Variants in CD83 observed in about 807,000 individuals in gnomAD.
CD83 encodes the protein CD83 antigen.
A neutral mutation model predicts 24.6 loss-of-function variants in CD83; 22 were observed. The observed-to-expected ratio is 0.90, with a 90% CI of 0.64 to 1.28. CD83 has a LOEUF of 1.28. CD83 is among the 50% of genes most tolerant of loss of function. The pLI is 0.00. For missense variants in CD83, 253 were observed against 252.8 expected (o/e 1.00, Z -0.01); for synonymous variants, 101 against 103.5 (o/e 0.98, Z 0.14).
At chr6:14,131,019 C>T (rs1263113800) in intron 2 of CD83, among the ~76,000 whole-genome samples, 2 of 152,160 alleles carry the variant, frequency 1.3e-5, no homozygotes, top group African/African-American at 2.4e-5. Flanking sequence ...TCGCAGGAGG[C>T]GTTGCTCATC....
At chr6:14,119,746 A>C (rs1424577318) in intron 2 of CD83, among the ~76,000 whole-genome samples, 1 of 152,270 alleles carries the variant, frequency 6.6e-6, no homozygotes, top group African/African-American at 2.4e-5. Flanking sequence ...GGGGAAAAAC[A>C]TGAAACCACT....
At chr6:14,133,777 C>T (rs778614974) in intron 4 of CD83, 22 bp downstream of exon 4, 2 of 1,463,230 alleles carry the variant, frequency 1.4e-6, no homozygotes, top group Non-Finnish European at 9.5e-7. Flanking sequence ...CTTAAAACAT[C>T]TTCTCTTATT....
At chr6:14,118,317 G>T (rs536039250) in intron 2 of CD83, among the ~76,000 whole-genome samples, 1 of 147,410 alleles carries the variant, frequency 6.8e-6, no homozygotes, top group South Asian at 2.2e-4. Context: ...GGCCTGAGAT[G>T]AATGATCCAC....
chr6:14,118,635 C>T (rs1359841356), intron 2 of CD83, among the ~76,000 whole-genome samples: 2 of 152,220 alleles, frequency 1.3e-5, no homozygotes, highest in Non-Finnish European at 2.9e-5. Flanking sequence ...TAGCCCTCCT[C>T]CTCCTTCCTC....
At position 14,135,299 on chromosome 6, in the gene CD83, C is replaced by T; in HGVS notation, c.*63C>T. On this transcript the variant is annotated 3_prime_UTR_variant, in exon 5 of 5. Coordinates refer to ENST00000379153, the MANE Select transcript of CD83 (RefSeq NM_004233.4). ...CTCAGGGGTGTGCCTGTCTGTTACA[C>T]TGGAGGAGAGAAGAATGAGCCTACG... is the stretch of plus-strand genomic sequence containing the variant. 6.4e-7 allele frequency: 1 copy of T among 1,554,080 alleles called. No individual in the cohort carries two copies. Among genetic ancestry groups the T allele is most frequent in the Non-Finnish European group, 8.8e-7 (1 of 1,139,288 alleles).
rs1397535560 is a variant in CD83, at chr6:14,129,784, C to T, written c.154-1736C>T. ...CACCAGGGCTGGAGCCTGAGCTTTC[C>T]GGTGACCTTGTGGTATATGCTCTGA... On this transcript the variant is annotated intron_variant, in intron 2 of 4. Coordinates refer to ENST00000379153, the MANE Select transcript of CD83 (RefSeq NM_004233.4). This position sits in a 1 kb window ranked among gnomAD's most constrained non-coding sequence, Gnocchi z 4.3. Among the ~76,000 whole-genome samples the T allele has an allele frequency of 6.6e-6, 1 of 151,706 alleles. No individual in the cohort carries two copies. Among genetic ancestry groups the T allele is most frequent in the Non-Finnish European group, 1.5e-5 (1 of 67,976 alleles).
At chr6:14,122,510 C>G (rs529865982) in intron 2 of CD83, among the ~76,000 whole-genome samples, 3 of 152,270 alleles carry the variant, frequency 2.0e-5, no homozygotes, top group African/African-American at 7.2e-5. Flanking sequence ...TGAACACTTA[C>G]TGTGCTTCCT....
chr6:14,135,041 T>C, intron 4 of CD83, 67 bp from the exon 5 acceptor site: 1 of 1,540,326 alleles, frequency 6.5e-7, no homozygotes. Flanking sequence ...GAATAGAGTT[T>C]AAAAGGAGGT....
At chr6:14,124,336 G>T (rs1759738291) in intron 2 of CD83, among the ~76,000 whole-genome samples, 1 of 152,224 alleles carries the variant, frequency 6.6e-6, no homozygotes, top group African/African-American at 2.4e-5. Flanking sequence ...ATTAGAATCG[G>T]TATTACCGAT....
intron 2 of CD83, among the ~76,000 whole-genome samples, chr6:14,130,905 T>C (rs1757879770): frequency 6.6e-6 from 1 of 152,152 alleles, no homozygotes; most frequent in Non-Finnish European, 1.5e-5. Flanking sequence ...AAAGCATGCT[T>C]CTCAGCTGTC....
At position 14,117,917 on chromosome 6, in the gene CD83, G is replaced by A. The variant is rs1171092987; in HGVS notation, c.38-33G>A. On this transcript the variant is annotated intron_variant, in intron 1 of 4. Transcript: ENST00000379153. This position sits in a 1 kb window ranked among gnomAD's most constrained non-coding sequence, Gnocchi z 4.6. The stretch of plus-strand genomic sequence containing the variant: ...TCCACGACACCCCCTCCCGTCGGTC[G>A]CTTGCTCACGACGCGCTCTCTCTTT... 1.3e-6 allele frequency: 2 copies of A among 1,590,536 alleles called. No homozygotes were observed. The highest frequency in any genetic ancestry group is 1.7e-6 in the Non-Finnish European group (2 of 1,171,740).
At chr6:14,126,418 G>A (rs1759815490) in intron 2 of CD83, among the ~76,000 whole-genome samples, 1 of 152,122 alleles carries the variant, frequency 6.6e-6, no homozygotes, top group South Asian at 2.1e-4. Flanking sequence ...AGATTCCAGT[G>A]GAGCTATCCA....
At chr6:14,117,449 G>A (rs529902839), upstream of CD83, 1 of 151,934 alleles carries the variant, frequency 6.6e-6, no homozygotes, top group African/African-American at 2.4e-5. This position sits in a 1 kb window ranked among gnomAD's most constrained non-coding sequence, Gnocchi z 4.6. Flanking sequence ...GCGCGCGAGC[G>A]CGGTCTGCAA....
chr6:14,135,029 G>T, intron 4 of CD83, 79 bp from the exon 5 acceptor site: 1 of 1,449,528 alleles, frequency 6.9e-7, no homozygotes, highest in Non-Finnish European at 9.6e-7. Context: ...CCAGCTCTTA[G>T]TGAATAGAGT....
chr6:14,133,884 T>C, intron 4 of CD83, 129 bp downstream of exon 4: 1 of 594,230 alleles, frequency 1.7e-6, no homozygotes. Flanking sequence ...CCTGGACTTT[T>C]TGAGGCCCCT....
intron 3 of CD83, among the ~76,000 whole-genome samples, chr6:14,132,656 G>T (rs9396472): frequency 0.44 from 67,105 of 152,008 alleles, 15,333 homozygotes; most frequent in Non-Finnish European, 0.52. Flanking sequence ...TAGTGCCCGG[G>T]ATAGACTGAA....
intron 2 of CD83, among the ~76,000 whole-genome samples, chr6:14,125,712 G>A (rs1448448169): frequency 6.6e-6 from 1 of 152,328 alleles, no homozygotes; most frequent in Non-Finnish European, 1.5e-5. Flanking sequence ...GAAGAGAGAT[G>A]ATTGGCATGA....
intron 2 of CD83, among the ~76,000 whole-genome samples, chr6:14,130,522 C>T (rs1296712505): frequency 6.6e-6 from 1 of 152,080 alleles, no homozygotes; most frequent in Non-Finnish European, 1.5e-5. Context: ...TCTGGGAGTT[C>T]AAGACCAGCT....
intron 4 of CD83, among the ~76,000 whole-genome samples, chr6:14,134,697 AG>A (rs1279867872): frequency 2.9e-4 from 44 of 152,376 alleles, no homozygotes; most frequent in Middle Eastern, 6.8e-3. Flanking sequence ...GGCACTGTAC[AG>A]GGCATAAAAA....
Sources: allele counts gnomAD v4.1 joint callset (sites outside exome capture counted in the v4.1 genomes callset), GRCh38; gene constraint gnomAD v4.1.1; non-coding constraint Gnocchi (gnomAD v3.1); transcripts MANE v1.5; gene names NCBI Gene and HGNC (gene_info 2026-07-23, HGNC 2026-07-21).